ATAD2: variants seen among roughly 807,000 people sequenced by gnomAD.
The protein encoded by ATAD2 is ATPase family AAA domain containing 2.
Under a neutral mutation model 168.9 loss-of-function variants are expected in ATAD2, and 62 were observed. That is an observed-to-expected ratio of 0.37 (90% CI 0.30 to 0.45). The LOEUF (loss-of-function observed/expected upper bound fraction) is 0.45. ATAD2 is among the 20% of genes least tolerant of loss of function. The pLI is 1.00. For missense variants in ATAD2, 1,419 were observed against 1,667.8 expected (o/e 0.85, Z 2.60); for synonymous variants, 613 against 571.6 (o/e 1.07, Z -1.03).
chr8:123,360,060 G>A (rs901762682), intron 9 of ATAD2, among the ~76,000 whole-genome samples: 2 of 152,034 alleles, frequency 1.3e-5, no homozygotes, highest in Non-Finnish European at 2.9e-5. Context: ...GGTGCTTTAC[G>A]TGGATTAAGT....
At chr8:123,385,036 C>T (rs933735286) in intron 1 of ATAD2, among the ~76,000 whole-genome samples, 3 of 152,066 alleles carry the variant, frequency 2.0e-5, no homozygotes, top group South Asian at 2.1e-4. Flanking sequence ...TGTATATAAA[C>T]GTTTTTAAAG....
intron 19 of ATAD2, among the ~76,000 whole-genome samples, chr8:123,343,547 T>G (rs1057400168): frequency 6.6e-6 from 1 of 152,176 alleles, no homozygotes; most frequent in African/African-American, 2.4e-5. Context: ...TAGTAAGTAT[T>G]TGAGCTTATC....
Position 123,319,890 on chromosome 8 carries a change from A to G in ATAD2, c.*1244T>C, listed in dbSNP as rs754936768. The G allele has an allele frequency of 2.6e-5, 4 of 152,242 alleles. No homozygotes were observed. Among genetic ancestry groups the G allele is most frequent in the Admixed American group, 6.5e-5 (1 of 15,284 alleles). The allele number at this position is 152,242 out of a possible 1,614,324, so 9.4% of individuals were successfully genotyped here. On this transcript the variant is annotated 3_prime_UTR_variant, in exon 28 of 28. Coordinates refer to ENST00000287394, the MANE Select transcript of ATAD2 (RefSeq NM_014109.4). ...ACCTTTAAAATTTATTACATAAGCT[A>G]TACACACAAAATGAAATCCTAGTTA...
chr8:123,340,936 G>GT (rs1828043348), intron 19 of ATAD2, among the ~76,000 whole-genome samples: 1 of 151,318 alleles, frequency 6.6e-6, no homozygotes, highest in South Asian at 2.1e-4. Flanking sequence ...GGATGAAATG[G>GT]TAAGTTTTGT....
chr8:123,339,102 T>C (rs1004937011), intron 20 of ATAD2, among the ~76,000 whole-genome samples: 19 of 152,260 alleles, frequency 1.2e-4, no homozygotes, highest in African/African-American at 3.4e-4. Context: ...CTTAGAAAGA[T>C]AGATTGGGGC....
At chr8:123,382,195 G>T (rs1829511409) in intron 1 of ATAD2, among the ~76,000 whole-genome samples, 1 of 152,170 alleles carries the variant, frequency 6.6e-6, no homozygotes, top group Admixed American at 6.5e-5. Context: ...TGAGTCCTTG[G>T]ATCACATCCC....
Position 123,382,432 on chromosome 8 carries a change from G to A in ATAD2, c.172-1755C>T, listed in dbSNP as rs185063476. On this transcript the variant is annotated intron_variant, in intron 1 of 27. Coordinates refer to ENST00000287394, the MANE Select transcript of ATAD2 (RefSeq NM_014109.4). ...TTGAAAAAAGAATACTTACACCTTG[G>A]GTGGTGTATTATTTTTAAGACAAAT... Among the ~76,000 whole-genome samples, 931 of 152,152 alleles carry A rather than the reference G, an allele frequency of 6.1e-3. 5 individuals are homozygous for A. The highest frequency in any genetic ancestry group is 0.019 in the South Asian group (92 of 4,816).
At chr8:123,385,494 T>C (rs1319818000) in intron 1 of ATAD2, among the ~76,000 whole-genome samples, 1 of 152,048 alleles carries the variant, frequency 6.6e-6, no homozygotes, top group Non-Finnish European at 1.5e-5. Context: ...TTGAAAGAAA[T>C]AAATGAGGGG....
At chr8:123,413,497 C>T (rs1382883287) in intron 1 of ATAD2, among the ~76,000 whole-genome samples, 2 of 152,126 alleles carry the variant, frequency 1.3e-5, no homozygotes, top group Non-Finnish European at 2.9e-5. Flanking sequence ...CTATTATTAT[C>T]CTCATTTTGC....
At chr8:123,337,221 G>T (rs1827943739) in intron 21 of ATAD2, among the ~76,000 whole-genome samples, 1 of 152,040 alleles carries the variant, frequency 6.6e-6, no homozygotes, top group African/African-American at 2.4e-5. Flanking sequence ...AAATTAGCTG[G>T]ACGTGGTGGC....
chr8:123,340,468 G>A (rs1440349051), intron 19 of ATAD2, among the ~76,000 whole-genome samples: 2 of 152,122 alleles, frequency 1.3e-5, no homozygotes, highest in East Asian at 3.8e-4. Context: ...TCTAGGTATA[G>A]ATCCCAAAGA....
chr8:123,378,532 T>A (rs1490858941), intron 2 of ATAD2, among the ~76,000 whole-genome samples: 1 of 151,620 alleles, frequency 6.6e-6, no homozygotes, highest in African/African-American at 2.4e-5. Flanking sequence ...CGAAACCCCA[T>A]CTCTACTAAA....
rs1361212909 is a variant in ATAD2 at position 123,402,278 on chromosome 8, T to TC, written c.-2281-1104dup. Among the ~76,000 whole-genome samples, 1 of 151,936 alleles carries TC rather than the reference T, an allele frequency of 6.6e-6. No individual in the cohort carries two copies. The highest frequency in any genetic ancestry group is 1.5e-5 in the Non-Finnish European group (1 of 67,934). ...GGGGTCTGTGACCCCTCGCTGGGCA[T>TC]CCCCTGCAGAGTCAGGACTGCTCCC... On this transcript the variant is annotated intron_variant, in intron 1 of 28. Coordinates refer to the ATAD2 transcript ENST00000521903. The surrounding 1 kb of genome is among the most constrained non-coding windows in gnomAD (Gnocchi z 4.8).
chr8:123,391,896 C>G (rs1472133318), intron 1 of ATAD2, among the ~76,000 whole-genome samples: 1 of 152,160 alleles, frequency 6.6e-6, no homozygotes, highest in Non-Finnish European at 1.5e-5. Flanking sequence ...ATTTGGTCTA[C>G]ACAGACACCT....
At chr8:123,321,239 C>A (rs1242472246) in intron 27 of ATAD2, 64 bp from the exon 28 acceptor site, 2 of 1,384,382 alleles carry the variant, frequency 1.4e-6, no homozygotes, top group African/African-American at 2.9e-5. Context: ...AGAAACATTT[C>A]ATTACTTTTT....
At position 123,380,541 on chromosome 8, in the gene ATAD2, C is replaced by T; in HGVS notation, c.308G>A (p.Arg103Lys). ...CACCTTGTATTACCTTGTAAAATGC[C>T]TGCCATTAGCAAGTTGCTCCGTTAT... ...VEITEQLANG[R>K]HFTRQLARQQ... The change falls in exon 2 of 28, where the codon AGG becomes AAG. Residue 103 changes from arginine to lysine, a missense_variant. This residue lies in a region of ATAD2 where 419 missense variants were observed against 423.5 expected (regional missense o/e 0.99). Transcript: ENST00000287394. 1 of 1,613,914 alleles carries T rather than the reference C, an allele frequency of 6.2e-7. No individual in the cohort carries two copies.
chr8:123,344,158 C>G (rs534974581), intron 19 of ATAD2, among the ~76,000 whole-genome samples: 10 of 151,980 alleles, frequency 6.6e-5, no homozygotes, highest in Non-Finnish European at 1.3e-4. Context: ...AGAAAAAAAT[C>G]TGGAAAACAA....
At chr8:123,370,190 A>T (rs1469882843) in intron 6 of ATAD2, among the ~76,000 whole-genome samples, 166 bp from the exon 7 acceptor site, 1 of 151,814 alleles carries the variant, frequency 6.6e-6, no homozygotes, top group Non-Finnish European at 1.5e-5. Flanking sequence ...TAGATTGTTC[A>T]TGGGAAGTAT....
At chr8:123,375,543 C>T (rs1234066221) in intron 2 of ATAD2, among the ~76,000 whole-genome samples, 1 of 152,188 alleles carries the variant, frequency 6.6e-6, no homozygotes, top group Non-Finnish European at 1.5e-5. Context: ...ACACCTACCT[C>T]CACATAAAAA....
Sources: gnomAD v4.1 joint callset for allele counts (sites outside exome capture counted in the v4.1 genomes callset) on GRCh38, gnomAD v4.1.1 for gene constraint, gnomAD v4.1.1 regional missense constraint, Gnocchi (gnomAD v3.1) non-coding constraint, MANE v1.5 for transcripts, NCBI Gene and HGNC (gene_info 2026-07-23, HGNC 2026-07-21) for gene names.